Variants in HAUS1 observed in about 807,000 individuals in gnomAD.
HAUS1 encodes HAUS augmin-like complex subunit 1.
A neutral mutation model predicts 38.6 loss-of-function variants in HAUS1; 25 were observed. The ratio of observed to expected loss-of-function variants is 0.65; its 90% CI spans 0.47 to 0.91. The LOEUF is 0.91. Among genes scored for constraint, HAUS1 ranks in the 40% least tolerant of loss-of-function variants. HAUS1 has a pLI of 0.00. For missense variants in HAUS1, 325 were observed against 328.4 expected (o/e 0.99, Z 0.08); for synonymous variants, 109 against 112.9 (o/e 0.97, Z 0.22).
Position 46,125,777 on chromosome 18 carries a change from G to A in HAUS1, c.772G>A (p.Ala258Thr). Residue 258 changes from alanine to threonine, a missense_variant, in exon 8 of 9, where the codon GCA becomes ACA. Transcript: ENST00000282058. ...PSLAQVKIEEAKRELDSIEAE... is the reference protein window; with the variant it reads ...PSLAQVKIEETKRELDSIEAE... Reference sequence around the variant, plus strand: ...TCTTGCTCAAGTGAAAATTGAAGAAGCAAAGCGAGAACTAGTAAGTAGTTC... The same window carrying A: ...TCTTGCTCAAGTGAAAATTGAAGAAACAAAGCGAGAACTAGTAAGTAGTTC... 1.2e-6 allele frequency: 2 copies of A among 1,601,278 alleles called. No individual in the cohort carries two copies. Among genetic ancestry groups the A allele is most frequent in the Non-Finnish European group, 8.5e-7 (1 of 1,171,532 alleles).
At chr18:46,126,449 G>T (rs1228119811) in intron 8 of HAUS1, among the ~76,000 whole-genome samples, 1 of 152,158 alleles carries the variant, frequency 6.6e-6, no homozygotes, top group African/African-American at 2.4e-5. Flanking sequence ...AAGTGATAAA[G>T]TCCGGCTGCT....
At chr18:46,127,686 C>T (rs750284409) in intron 8 of HAUS1, among the ~76,000 whole-genome samples, 3 of 140,288 alleles carry the variant, frequency 2.1e-5, no homozygotes, top group Admixed American at 7.6e-5. Context: ...CCAGCCTGGG[C>T]GACAGAGTGA....
chr18:46,117,933 G>A (rs1278310850), intron 2 of HAUS1, among the ~76,000 whole-genome samples: 5 of 152,032 alleles, frequency 3.3e-5, no homozygotes, highest in African/African-American at 4.8e-5. Context: ...GCAACAGAGC[G>A]AGACTCCATT....
At chr18:46,113,007 G>GTCCATATTATATATAT (rs1260328264) in intron 2 of HAUS1, among the ~76,000 whole-genome samples, 1 of 54,214 alleles carries the variant, frequency 1.8e-5, no homozygotes, top group African/African-American at 7.8e-5. Flanking sequence ...CATATATATG[G>GTCCATATTATATATAT]AATATATATA....
chr18:46,127,870 TA>T (rs1226169163), intron 8 of HAUS1, among the ~76,000 whole-genome samples: 1 of 152,160 alleles, frequency 6.6e-6, no homozygotes, highest in Non-Finnish European at 1.5e-5. Context: ...TAGAATCACT[TA>T]GGAGTCTGAG....
intron 3 of HAUS1, 151 bp from the exon 4 acceptor site, chr18:46,119,775 G>C: frequency 1.8e-6 from 1 of 563,446 alleles, no homozygotes; most frequent in Non-Finnish European, 2.9e-6. Flanking sequence ...GGCATTCCAG[G>C]CAATGGGAAC....
intron 1 of HAUS1, 133 bp downstream of exon 1, chr18:46,104,574 C>A: frequency 5.7e-6 from 4 of 702,474 alleles, no homozygotes; most frequent in Non-Finnish European, 6.4e-6. Flanking sequence ...TCTTTTAGTG[C>A]CGCCGTCACT....
chr18:46,124,520 A>G (rs1170153262), intron 6 of HAUS1, among the ~76,000 whole-genome samples: 2 of 151,742 alleles, frequency 1.3e-5, no homozygotes, highest in Non-Finnish European at 2.9e-5. Flanking sequence ...GAGGAGTTTG[A>G]GGCCACCGTA....
At chr18:46,109,096 G>T (rs1296555117) in intron 2 of HAUS1, among the ~76,000 whole-genome samples, 1 of 149,854 alleles carries the variant, frequency 6.7e-6, no homozygotes, top group Non-Finnish European at 1.5e-5. Context: ...AAAGAGAAAA[G>T]AAGTTTAATT....
At chr18:46,117,372 G>A (rs1399735810) in intron 2 of HAUS1, among the ~76,000 whole-genome samples, 5 of 152,226 alleles carry the variant, frequency 3.3e-5, no homozygotes, top group Non-Finnish European at 7.3e-5. Context: ...TGAAGTACTG[G>A]TACATGCTGT....
chr18:46,119,793 A>G (rs975228989), intron 3 of HAUS1, 133 bp from the exon 4 acceptor site: 1 of 684,672 alleles, frequency 1.5e-6, no homozygotes, highest in Non-Finnish European at 2.3e-6. Flanking sequence ...AACAGTGTGT[A>G]AAAAAAGGCA....
At chr18:46,126,487 G>A (rs1912108684) in intron 8 of HAUS1, among the ~76,000 whole-genome samples, 1 of 152,090 alleles carries the variant, frequency 6.6e-6, no homozygotes, top group South Asian at 2.1e-4. Flanking sequence ...AGATAAAGTT[G>A]GAAAAGGTCA....
At chr18:46,115,057 C>T (rs1212412349) in intron 2 of HAUS1, 1 of 152,158 alleles carries the variant, frequency 6.6e-6, no homozygotes, top group Non-Finnish European at 1.5e-5. Context: ...TGTAACAAGA[C>T]AATTCAACGG....
rs1359770078 is a variant in HAUS1, at chr18:46,123,320, A to G, written c.622A>G (p.Met208Val). Reference protein sequence around the residue: ...AAEEQLSARGMDASLSHQSLV... With the variant: ...AAEEQLSARGVDASLSHQSLV... ...GTAGGAGCAACTTTCAGCCAGAGGC[A>G]TGGATGCTTCTCTGTCTCATCAGTC... The change falls in exon 6 of 9, where the codon ATG becomes GTG. Residue 208 changes from methionine to valine, a missense_variant. By Grantham distance (21) the Met-to-Val change is conservative (BLOSUM62 1). Coordinates refer to ENST00000282058, the MANE Select transcript of HAUS1 (RefSeq NM_138443.4). The G allele has an allele frequency of 1.9e-6, 3 of 1,612,374 alleles. No homozygotes were observed. Among genetic ancestry groups the G allele is most frequent in the Non-Finnish European group, 2.5e-6 (3 of 1,178,970 alleles).
chr18:46,106,988 C>A (rs947793778), intron 2 of HAUS1, among the ~76,000 whole-genome samples: 13 of 151,978 alleles, frequency 8.6e-5, no homozygotes, highest in African/African-American at 3.1e-4. Flanking sequence ...GCACTCCAGC[C>A]TGGGCAACAG....
Position 46,122,609 on chromosome 18 carries a change from A to C in HAUS1, c.600+19A>C, listed in dbSNP as rs780370695. 3 of 1,613,690 alleles carry C rather than the reference A, an allele frequency of 1.9e-6. No individual in the cohort carries two copies. Among genetic ancestry groups the C allele is most frequent in the South Asian group, 2.2e-5 (2 of 91,084 alleles). The stretch of plus-strand genomic sequence containing the variant: ...TGCAGAGGTTTGTATGAAGGACCGA[A>C]TATAGTTAGCTCTCTTCGGCCTGAT... On this transcript the variant is annotated intron_variant, in intron 5 of 8. Coordinates refer to ENST00000282058, the MANE Select transcript of HAUS1 (RefSeq NM_138443.4).
intron 2 of HAUS1, among the ~76,000 whole-genome samples, chr18:46,112,287 A>G (rs1911658493): frequency 7.6e-6 from 1 of 131,658 alleles, no homozygotes; most frequent in Admixed American, 8.2e-5. Context: ...TATAATATAT[A>G]ATGTGTATAT....
rs1911425402 is a variant in HAUS1, at chr18:46,105,200, G to A, written c.37G>A (p.Ala13Thr). Residue 13 changes from alanine (A) to threonine (T), a missense_variant, in exon 2 of 9, where the codon GCG becomes ACG. Transcript: ENST00000282058. ...TCTTTCTTTTAATGGTTAGGTTGCT[G>A]CGTGGTTAAAAAAAATATTTGGAGA... ...PQEERETQVA[A>T]WLKKIFGDHP... 3.7e-6 allele frequency: 6 copies of A among 1,607,972 alleles called. No homozygotes were observed. The highest frequency in any genetic ancestry group is 5.1e-6 in the Non-Finnish European group (6 of 1,177,108).
rs765554026 is a variant in HAUS1, at chr18:46,105,268, G to A, written c.105G>A (p.Glu35=). 2 of 1,613,732 alleles carry A rather than the reference G, an allele frequency of 1.2e-6. No homozygotes were observed. Among genetic ancestry groups the A allele is most frequent in the Non-Finnish European group, 1.7e-6 (2 of 1,179,838 alleles). Residue 35 remains glutamate (E), a synonymous_variant, in exon 2 of 9, where the codon GAG becomes GAA. Coordinates refer to ENST00000282058, the MANE Select transcript of HAUS1 (RefSeq NM_138443.4). ...PQYEVNPRTT[E]ILHHLSERNR... is the part of the protein sequence containing the mutation. The stretch of plus-strand genomic sequence containing the variant: ...ATGAGGTGAACCCACGGACCACAGA[G>A]ATTTTACATCACCTTTCAGAACGCA...
Sources: gnomAD v4.1 joint callset for allele counts (sites outside exome capture counted in the v4.1 genomes callset) on GRCh38, gnomAD v4.1.1 for gene constraint, MANE v1.5 for transcripts, NCBI Gene and HGNC (gene_info 2026-07-23, HGNC 2026-07-21) for gene names.